Variants in MAEA observed in about 807,000 individuals in gnomAD.
MAEA encodes the protein macrophage erythroblast attacher, E3 ubiquitin ligase.
MAEA carries 22 observed loss-of-function variants against 46.2 expected under a neutral mutation model. That is an observed-to-expected ratio of 0.48 (90% CI 0.34 to 0.68). The LOEUF is 0.68. Among genes scored for constraint, MAEA ranks in the 30% least tolerant of loss-of-function variants. MAEA has a pLI of 0.01. For missense variants in MAEA, 393 were observed against 558.1 expected (o/e 0.70, Z 2.98); for synonymous variants, 246 against 222.6 (o/e 1.11, Z -0.94).
At chr4:1,315,062 A>G (rs1460544761) in intron 2 of MAEA, among the ~76,000 whole-genome samples, 1 of 152,220 alleles carries the variant, frequency 6.6e-6, no homozygotes, top group Admixed American at 6.5e-5. Context: ...ATTTTTTTAA[A>G]GTCACCTTAT....
chr4:1,301,071 T>C (rs1001265833), intron 1 of MAEA, among the ~76,000 whole-genome samples: 1 of 152,178 alleles, frequency 6.6e-6, no homozygotes, highest in African/African-American at 2.4e-5. Flanking sequence ...GATCAATATT[T>C]AGAAACCTCT....
At chr4:1,335,435 C>G in intron 6 of MAEA, 5 of 985,422 alleles carry the variant, frequency 5.1e-6, no homozygotes, top group Non-Finnish European at 6.0e-6. Context: ...AGCACTGGCC[C>G]CACAGTGTGT....
At chr4:1,328,295 G>A (rs1324512079) in intron 5 of MAEA, among the ~76,000 whole-genome samples, 4 of 152,342 alleles carry the variant, frequency 2.6e-5, no homozygotes, top group South Asian at 2.1e-4. Flanking sequence ...TGGGGTGCAC[G>A]GCGTCTGCAA....
At chr4:1,295,140 G>A (rs1186446501) in intron 1 of MAEA, among the ~76,000 whole-genome samples, 1 of 152,078 alleles carries the variant, frequency 6.6e-6, no homozygotes, top group Admixed American at 6.5e-5. Flanking sequence ...GCCGGTGCCT[G>A]TAGCATGTGA....
chr4:1,327,226 A>G (rs547034163), intron 4 of MAEA, among the ~76,000 whole-genome samples: 1 of 152,314 alleles, frequency 6.6e-6, no homozygotes, highest in South Asian at 2.1e-4. Context: ...GTGTAGAGGA[A>G]GCAGTGGCCT....
chr4:1,315,046 C>A (rs370257536), intron 2 of MAEA, among the ~76,000 whole-genome samples: 3 of 152,262 alleles, frequency 2.0e-5, no homozygotes, highest in South Asian at 4.1e-4. Context: ...AAAAGTATTG[C>A]AAAAGATTTT....
intron 1 of MAEA, among the ~76,000 whole-genome samples, chr4:1,300,730 A>G (rs1735239130): frequency 1.3e-5 from 2 of 152,258 alleles, no homozygotes; most frequent in Admixed American, 1.3e-4. Flanking sequence ...CTGGGCGTGC[A>G]CACAACAGGG....
chr4:1,338,743 G>A (rs1224004492), intron 8 of MAEA, 126 bp downstream of exon 8: 12 of 968,970 alleles, frequency 1.2e-5, no homozygotes, highest in African/African-American at 3.3e-5. Context: ...TGTGTGGGAC[G>A]GGCAGGGCGG....
chr4:1,330,908 C>T (rs1325552684), intron 5 of MAEA: 1 of 152,190 alleles, frequency 6.6e-6, no homozygotes, highest in Non-Finnish European at 1.5e-5. Flanking sequence ...GGTGAGGCAG[C>T]TTGTTAGGCG....
chr4:1,290,305 T>A (rs1419515330), intron 1 of MAEA, among the ~76,000 whole-genome samples: 3 of 151,138 alleles, frequency 2.0e-5, no homozygotes, highest in Admixed American at 6.6e-5. Flanking sequence ...GGGCGTGGGG[T>A]CTCTGGCGCC....
chr4:1,312,966 T>A (rs967201702), intron 2 of MAEA, among the ~76,000 whole-genome samples: 3 of 152,192 alleles, frequency 2.0e-5, no homozygotes, highest in Non-Finnish European at 4.4e-5. Flanking sequence ...ACTGCTGTTG[T>A]CCCCTGGAGT....
rs991565064 is a variant in MAEA at position 1,338,440 on chromosome 4, C to T, written c.918C>T (p.Asp306=). 10 of 1,612,542 alleles carry T rather than the reference C, an allele frequency of 6.2e-6. No individual in the cohort carries two copies. Among genetic ancestry groups the T allele is most frequent in the South Asian group, 1.1e-5 (1 of 91,074 alleles). The stretch of plus-strand genomic sequence containing the variant: ...TGCTCAGACAGTGCTACAAGGAGGA[C>T]GGCAGCTCCAAGAGCCCTGACTGCC... ...AIKTPQCYKE[D]GSSKSPDCPV... The change falls in exon 8 of 9, where the codon GAC becomes GAT. Residue 306 remains aspartate, a synonymous_variant. Coordinates refer to ENST00000303400, the MANE Select transcript of MAEA (RefSeq NM_001017405.3).
intron 1 of MAEA, chr4:1,298,227 T>A (rs1209103745): frequency 1.1e-5 from 4 of 376,932 alleles, no homozygotes; most frequent in African/African-American, 8.4e-5. Context: ...GCTCACTGTT[T>A]CCTTTCTTTT....
chr4:1,331,734 GGACA>G (rs1312580430), intron 5 of MAEA: 1 of 148,838 alleles, frequency 6.7e-6, no homozygotes, highest in Non-Finnish European at 1.5e-5. Context: ...CAGGCCCTCA[GGACA>G]GCCAGAGGGA....
rs375156604 is a variant in MAEA, at chr4:1,329,496, C to T, written c.656+1793C>T. ...GTGTCCTTCCTCCCGCAAGCAGACA[C>T]GTGCTGCCTCGAAGCCTCAGCAGCC... On this transcript the variant is annotated intron_variant, in intron 5 of 8. Transcript: ENST00000303400. 173 of 985,216 alleles carry T rather than the reference C, an allele frequency of 1.8e-4. No individual in the cohort carries two copies. The South Asian group carries it at 2.9e-3, about 16-fold the overall frequency. 61.0% of individuals were successfully genotyped at this position (985,216 alleles called of 1,614,324 possible).
intron 4 of MAEA, among the ~76,000 whole-genome samples, chr4:1,326,073 C>T (rs1050292479): frequency 7.9e-5 from 12 of 152,214 alleles, no homozygotes; most frequent in African/African-American, 2.9e-4. Flanking sequence ...CAGCCCAGTC[C>T]TCCCCACACC....
At chr4:1,328,135 G>A (rs935650031) in intron 5 of MAEA, among the ~76,000 whole-genome samples, 4 of 152,266 alleles carry the variant, frequency 2.6e-5, no homozygotes, top group East Asian at 3.8e-4. Flanking sequence ...CACAGTCATC[G>A]GGGAATGTTG....
At chr4:1,338,357 CAG>C (rs1448143331) in intron 7 of MAEA, 63 bp from the exon 8 acceptor site, 17 of 1,371,132 alleles carry the variant, frequency 1.2e-5, no homozygotes, top group South Asian at 1.0e-4. Flanking sequence ...AGAGTGGCCA[CAG>C]GGGGCTGGGC....
chr4:1,330,087 T>G, intron 5 of MAEA: 1 of 985,528 alleles, frequency 1.0e-6, no homozygotes, highest in South Asian at 4.7e-5. Flanking sequence ...CCGCCCTGCC[T>G]GGGGCATTTG....
Sources: gnomAD v4.1 joint callset for allele counts (sites outside exome capture counted in the v4.1 genomes callset) on GRCh38, gnomAD v4.1.1 for gene constraint, MANE v1.5 for transcripts, NCBI Gene and HGNC (gene_info 2026-07-23, HGNC 2026-07-21) for gene names.